The following SLC4A5 variants were observed in gnomAD, a reference collection of about 807,000 sequenced individuals.
The protein encoded by SLC4A5 is solute carrier family 4 member 5, also known as electrogenic sodium bicarbonate cotransporter 4.
SLC4A5 carries 96 observed loss-of-function variants against 120.4 expected under a neutral mutation model. That is an observed-to-expected ratio of 0.80 (90% CI 0.68 to 0.94). SLC4A5 has a LOEUF of 0.94. SLC4A5 is among the 40% of genes least tolerant of loss of function. SLC4A5 has a pLI of 0.00. For synonymous variants in SLC4A5, 550 were observed against 571.1 expected, an observed-to-expected ratio of 0.96 and a Z score of 0.53; for missense variants, 1,259 against 1,459.5, an observed-to-expected ratio of 0.86 and a Z score of 2.24.
At chr2:74,235,071 G>T in intron 22 of SLC4A5, 30 bp downstream of exon 22, 1 of 1,549,016 alleles carries the variant, frequency 6.5e-7, no homozygotes, top group Non-Finnish European at 8.9e-7. Context: ...CAGGCAGACT[G>T]GATGCCCAGA....
intron 7 of SLC4A5, among the ~76,000 whole-genome samples, chr2:74,288,923 G>T (rs535884690): frequency 6.6e-6 from 1 of 152,262 alleles, no homozygotes; most frequent in East Asian, 1.9e-4. Context: ...CATTCCTGAA[G>T]CTCCTTCTTT....
At chr2:74,326,491 T>C (rs1411832690) in intron 5 of SLC4A5, among the ~76,000 whole-genome samples, 1 of 152,138 alleles carries the variant, frequency 6.6e-6, no homozygotes, top group Non-Finnish European at 1.5e-5. Context: ...TGAAATCACA[T>C]CTGGGATCCC....
chr2:74,286,312 C>T (rs1157658873), intron 7 of SLC4A5, among the ~76,000 whole-genome samples: 1 of 152,176 alleles, frequency 6.6e-6, no homozygotes, highest in Non-Finnish European at 1.5e-5. Flanking sequence ...CTTGAAAAGG[C>T]AGTCAGCCAT....
chr2:74,264,160 T>A, exon 10 of SLC4A5: 2 of 1,613,964 alleles, frequency 1.2e-6, no homozygotes, highest in Non-Finnish European at 1.7e-6. Flanking sequence ...TGGTGGAGAC[T>A]GACTTCCCAA....
intron 7 of SLC4A5, among the ~76,000 whole-genome samples, chr2:74,287,658 C>T (rs996274215): frequency 1.3e-5 from 2 of 152,148 alleles, no homozygotes; most frequent in Non-Finnish European, 2.9e-5. Context: ...CTAACCTTTG[C>T]TCCTCTCTTC....
intron 8 of SLC4A5, among the ~76,000 whole-genome samples, chr2:74,282,486 C>T (rs1052696693): frequency 6.6e-5 from 10 of 152,244 alleles, no homozygotes; most frequent in African/African-American, 2.2e-4. Flanking sequence ...TCCTCAGATG[C>T]CATCTTCAGA....
chr2:74,292,706 G>T (rs1358406879), intron 7 of SLC4A5, among the ~76,000 whole-genome samples: 2 of 152,042 alleles, frequency 1.3e-5, no homozygotes, highest in East Asian at 3.9e-4. Context: ...ATGATCTAGT[G>T]GCCTGCAAAC....
In SLC4A5 at chr2:74,248,493, G is replaced by A. The variant is rs1214131304; in HGVS notation, c.1654-7C>T. The A allele has an allele frequency of 5.6e-6, 9 of 1,613,674 alleles. No individual in the cohort carries two copies. The Admixed American group carries it at 1.5e-4, about 27-fold the overall frequency. On this transcript the variant is annotated splice_region_variant and splice_polypyrimidine_tract_variant and intron_variant, in intron 17 of 30. Transcript: ENST00000394019. ...GGAAGCTCTCCATCACTCCCTGGGG[G>A]CACAAGGAATGTGTGGTTCAGCATA...
intron 3 of SLC4A5, among the ~76,000 whole-genome samples, chr2:74,337,603 G>A (rs1673524637): frequency 6.6e-6 from 1 of 152,174 alleles, no homozygotes; most frequent in Non-Finnish European, 1.5e-5. Flanking sequence ...ATAGTGTTAG[G>A]GAAATGCACT....
intron 16 of SLC4A5, 42 bp downstream of exon 16, chr2:74,252,137 T>C (rs1484922983): frequency 6.3e-7 from 1 of 1,596,420 alleles, no homozygotes; most frequent in African/African-American, 1.3e-5. Context: ...AAGGGAGAAG[T>C]CTAAAGGACA....
chr2:74,265,623 C>T (rs1013728819), intron 8 of SLC4A5, among the ~76,000 whole-genome samples: 1 of 152,122 alleles, frequency 6.6e-6, no homozygotes, highest in Non-Finnish European at 1.5e-5. Flanking sequence ...TATTCTAGAA[C>T]AATAAAGCTG....
At chr2:74,273,373 T>G (rs1671537000) in intron 8 of SLC4A5, among the ~76,000 whole-genome samples, 1 of 152,258 alleles carries the variant, frequency 6.6e-6, no homozygotes, top group Non-Finnish European at 1.5e-5. Flanking sequence ...GCTAAGGCTA[T>G]GTTGCCTCCA....
In SLC4A5 at chr2:74,268,162, A is replaced by G. The variant is rs147803805; in HGVS notation, c.402-2898T>C. Among the ~76,000 whole-genome samples the G allele has an allele frequency of 2.6e-5, 4 of 152,320 alleles. No individual in the cohort carries two copies. In the East Asian group the frequency reaches 5.8e-4, roughly 22 times the overall value. On this transcript the variant is annotated intron_variant, in intron 8 of 30. Coordinates refer to ENST00000394019, the Ensembl canonical transcript of SLC4A5. ...CAATTAGAGCAGTGCCTAGCACACAAGATACACTCTGTTAATGTTAGCTAT... is the reference window on the plus strand; with the variant it reads ...CAATTAGAGCAGTGCCTAGCACACAGGATACACTCTGTTAATGTTAGCTAT...
intron 8 of SLC4A5, among the ~76,000 whole-genome samples, chr2:74,279,402 A>C (rs1671742032): frequency 6.6e-6 from 1 of 151,972 alleles, no homozygotes; most frequent in Non-Finnish European, 1.5e-5. Context: ...TCCAGGACAA[A>C]GCCCTCCTTC....
At chr2:74,226,097 C>G (rs1694833680) in intron 27 of SLC4A5, among the ~76,000 whole-genome samples, 2 of 152,350 alleles carry the variant, frequency 1.3e-5, no homozygotes, top group African/African-American at 2.4e-5. Flanking sequence ...CAGGTCTATG[C>G]TCACCTGTGG....
chr2:74,311,279 T>A (rs1214118618), intron 6 of SLC4A5, among the ~76,000 whole-genome samples: 3 of 152,146 alleles, frequency 2.0e-5, no homozygotes, highest in Non-Finnish European at 4.4e-5. Flanking sequence ...TCTCTATTGT[T>A]TCCTATTTCT....
intron 4 of SLC4A5, among the ~76,000 whole-genome samples, chr2:74,328,940 G>A (rs902870765): frequency 6.6e-6 from 1 of 152,074 alleles, no homozygotes; most frequent in Non-Finnish European, 1.5e-5. Flanking sequence ...TGACCTTTTC[G>A]GAGAGATCAG....
chr2:74,227,042 TG>T lies in SLC4A5; in HGVS notation c.3004del (p.His1002ThrfsTer29). The T allele has an allele frequency of 6.2e-7, 1 of 1,613,972 alleles. No individual in the cohort carries two copies. The highest frequency in any genetic ancestry group is 8.5e-7 in the Non-Finnish European group (1 of 1,179,984). ...GAGGATCTGCACCAGGGTGAAGAGG[TG>T]GATCCGGCGCAGCGGCACGTGCCGC... is the stretch of plus-strand genomic sequence containing the variant. On this transcript the variant is annotated frameshift_variant, in exon 27 of 31. Coordinates refer to ENST00000394019, the Ensembl canonical transcript of SLC4A5. LOFTEE classifies it high-confidence loss of function.
At chr2:74,227,918 G>A in intron 25 of SLC4A5, 40 bp from the exon 26 acceptor site, 1 of 1,505,102 alleles carries the variant, frequency 6.6e-7, no homozygotes, top group Non-Finnish European at 9.0e-7. Flanking sequence ...CTCTGCCTGG[G>A]GCGGCCCTTG....
Sources: gnomAD v4.1 joint callset for allele counts (sites outside exome capture counted in the v4.1 genomes callset) on GRCh38, gnomAD v4.1.1 for gene constraint, MANE v1.5 for transcripts, NCBI Gene and HGNC (gene_info 2026-07-23, HGNC 2026-07-21) for gene names.